The following MAPRE3 variants were observed in gnomAD, a reference collection of about 807,000 sequenced individuals.
The protein encoded by MAPRE3 is microtubule associated protein RP/EB family member 3, also known as microtubule-associated protein RP/EB family member 3.
A neutral mutation model predicts 30.5 loss-of-function variants in MAPRE3; 2 were observed. The ratio of observed to expected loss-of-function variants is 0.07; its 90% confidence interval spans 0.03 to 0.21. The LOEUF (loss-of-function observed/expected upper bound fraction) is 0.21. Ranked by LOEUF, MAPRE3 falls within the 10% of genes least tolerant of loss-of-function variation. The pLI, the probability that MAPRE3 is intolerant of heterozygous loss-of-function variation, is 1.00. For synonymous variants in MAPRE3, 110 were observed against 127.7 expected, an observed-to-expected ratio of 0.86 and a Z score of 0.93; for missense variants, 204 against 351.8, an observed-to-expected ratio of 0.58 and a Z score of 3.36.
chr2:26,990,172 G>C (rs530486011), intron 1 of MAPRE3, among the ~76,000 whole-genome samples: 1 of 152,094 alleles, frequency 6.6e-6, no homozygotes. Context: ...AGACTGTCTT[G>C]AAAACAAACA....
At chr2:26,984,508 TCAGA>T (rs1666179667) in intron 1 of MAPRE3, among the ~76,000 whole-genome samples, 1 of 152,238 alleles carries the variant, frequency 6.6e-6, no homozygotes, top group African/African-American at 2.4e-5. Flanking sequence ...ATTCTACCAC[TCAGA>T]CAGCAGTGGC....
In MAPRE3 at chr2:26,985,278, CTACCTG is replaced by C. The variant is rs1278669335; in HGVS notation, c.-8+14477_-8+14482del. On this transcript the variant is annotated intron_variant, in intron 1 of 6. Transcript: ENST00000233121. This position sits in a 1 kb window ranked among gnomAD's most constrained non-coding sequence, Gnocchi z 4.2. ...GCCTTTCCTCAAGTCAGGCAGAATC[CTACCTG>C]GGCCATCTTCCCAGCTCCTGAGATA... Among the ~76,000 whole-genome samples, 2 of 152,354 alleles carry C rather than the reference CTACCTG, an allele frequency of 1.3e-5. No individual in the cohort carries two copies. Among genetic ancestry groups the C allele is most frequent in the African/African-American group, 2.4e-5 (1 of 41,584 alleles).
chr2:27,009,748 T>C (rs1666807086), intron 1 of MAPRE3: 1 of 152,294 alleles, frequency 6.6e-6, no homozygotes, highest in Non-Finnish European at 1.5e-5. Context: ...TTCCTCCCCA[T>C]GCATTCCCCT....
chr2:27,026,794 T>A lies in MAPRE3; in HGVS notation c.*446T>A, dbSNP rs1413330529. On this transcript the variant is annotated 3_prime_UTR_variant, in exon 7 of 7. Coordinates refer to ENST00000233121, the MANE Select transcript of MAPRE3 (RefSeq NM_012326.4). The stretch of plus-strand genomic sequence containing the variant: ...GCAGTGTGCCTGGCTTGGCTTCCCT[T>A]CCCCATGGCTGGGGGCTGGGGTAGG... 6.3e-6 allele frequency: 1 copy of A among 158,470 alleles called. No homozygotes were observed. The highest frequency in any genetic ancestry group is 1.9e-4 in the East Asian group (1 of 5,336). 9.8% of individuals were successfully genotyped at this position (158,470 alleles called of 1,614,324 possible). A position where few individuals can be genotyped will look rare whatever the true frequency, so the allele number is the denominator to read the frequency against.
At chr2:27,025,373 G>A (rs1229675969) in intron 4 of MAPRE3, among the ~76,000 whole-genome samples, 3 of 152,168 alleles carry the variant, frequency 2.0e-5, no homozygotes, top group African/African-American at 4.8e-5. Context: ...CTGCTCTCCC[G>A]GGCTCGCCAA....
At chr2:26,995,444 C>A (rs1243822510) in intron 1 of MAPRE3, 1 of 152,152 alleles carries the variant, frequency 6.6e-6, no homozygotes, top group African/African-American at 2.4e-5. Flanking sequence ...GATCCTGGAA[C>A]AAATTATTCT....
chr2:26,998,887 A>T (rs1666524152), intron 1 of MAPRE3, among the ~76,000 whole-genome samples: 1 of 152,208 alleles, frequency 6.6e-6, no homozygotes. Flanking sequence ...TTAAGATACA[A>T]ATGCAGAACC....
chr2:26,995,574 T>C (rs1294301684), intron 1 of MAPRE3: 1 of 152,060 alleles, frequency 6.6e-6, no homozygotes, highest in Non-Finnish European at 1.5e-5. Flanking sequence ...TCAAAATAAA[T>C]GATAATAATG....
At chr2:26,998,740 G>A (rs1378272804) in intron 1 of MAPRE3, among the ~76,000 whole-genome samples, 2 of 152,196 alleles carry the variant, frequency 1.3e-5, no homozygotes, top group East Asian at 3.9e-4. Context: ...CAGCCCAGAG[G>A]AACAGGCTGG....
At chr2:27,013,659 A>G (rs963984571) in intron 1 of MAPRE3, among the ~76,000 whole-genome samples, 1 of 152,222 alleles carries the variant, frequency 6.6e-6, no homozygotes, top group African/African-American at 2.4e-5. Context: ...AATGGGCAAC[A>G]TAGCTTCAAA....
Position 27,007,324 on chromosome 2 carries a change from G to A in MAPRE3, c.-7-14888G>A, listed in dbSNP as rs551009549. ...AAGGAAGAAGTTTGGACTTGGTTAA[G>A]TTATCCTGTGATTATTTTAGAAAAG... On this transcript the variant is annotated intron_variant, in intron 1 of 6. Coordinates refer to ENST00000233121, the MANE Select transcript of MAPRE3 (RefSeq NM_012326.4). 2.6e-5 allele frequency among the ~76,000 whole-genome samples: 4 copies of A among 152,274 alleles called. No individual in the cohort carries two copies. In the South Asian group the frequency reaches 6.2e-4, roughly 24 times the overall value.
chr2:26,974,745 A>G (rs1243738459), intron 1 of MAPRE3, among the ~76,000 whole-genome samples: 2 of 152,206 alleles, frequency 1.3e-5, no homozygotes, highest in African/African-American at 4.8e-5. Context: ...CAGTTTCCTC[A>G]TTTATAACCC....
intron 1 of MAPRE3, among the ~76,000 whole-genome samples, chr2:27,016,167 A>C (rs1666978378): frequency 6.6e-6 from 1 of 152,144 alleles, no homozygotes; most frequent in African/African-American, 2.4e-5. Context: ...CTGGATGATG[A>C]CATGCCACAA....
At chr2:27,025,833 C>A in intron 5 of MAPRE3, 47 bp from the exon 6 acceptor site, 1 of 1,613,730 alleles carries the variant, frequency 6.2e-7, no homozygotes, top group South Asian at 1.1e-5. Context: ...GGCAGGGGAA[C>A]CTGAGGTGGG....
chr2:26,996,884 T>A (rs1659307526), intron 1 of MAPRE3: 1 of 152,118 alleles, frequency 6.6e-6, no homozygotes, highest in Middle Eastern at 3.4e-3. Flanking sequence ...GGAGGGAAAG[T>A]ATCTAGTGAA....
In MAPRE3 at chr2:27,025,696, G is replaced by A. The variant is rs151280427; in HGVS notation, c.583G>A (p.Gly195Ser). Residue 195 changes from glycine to serine, a missense_variant, in exon 5 of 7, where the codon GGC becomes AGC. Gly to Ser is a moderately conservative substitution (Grantham distance 56). Around this residue, in one of 5 missense-constraint regions of MAPRE3, gnomAD observed 42 missense variants for 81.2 expected, o/e 0.52. Transcript: ENST00000233121. The stretch of plus-strand genomic sequence containing the variant: ...GAATCCTCCATCAGCCCGAAATGGC[G>A]GCCATGAGACTGATGCCCAAATTCT... Reference protein sequence around the residue: ...RKNPPSARNGGHETDAQILEL... With the variant: ...RKNPPSARNGSHETDAQILEL... 2.0e-5 allele frequency: 33 copies of A among 1,614,034 alleles called. No homozygotes were observed. In the Middle Eastern group the frequency reaches 4.9e-4, roughly 24 times the overall value.
At chr2:27,004,746 A>AG (rs1666684570) in intron 1 of MAPRE3, among the ~76,000 whole-genome samples, 1 of 151,048 alleles carries the variant, frequency 6.6e-6, no homozygotes, top group African/African-American at 2.4e-5. Flanking sequence ...AAAAAAAAAA[A>AG]GTAAATGCCA....
chr2:27,017,730 T>C (rs1667020044), intron 1 of MAPRE3, among the ~76,000 whole-genome samples: 1 of 152,198 alleles, frequency 6.6e-6, no homozygotes. Flanking sequence ...CAGCTAAGTA[T>C]GCATATCAAA....
intron 1 of MAPRE3, among the ~76,000 whole-genome samples, chr2:27,006,051 G>A (rs1666719009): frequency 6.6e-6 from 1 of 152,016 alleles, no homozygotes; most frequent in Non-Finnish European, 1.5e-5. Flanking sequence ...GCACAGTGGC[G>A]GGCGCCTGTA....
Sources: allele counts gnomAD v4.1 joint callset (sites outside exome capture counted in the v4.1 genomes callset), GRCh38; gene constraint gnomAD v4.1.1; regional missense constraint gnomAD v4.1.1; non-coding constraint Gnocchi (gnomAD v3.1); transcripts MANE v1.5; gene names NCBI Gene and HGNC (gene_info 2026-07-23, HGNC 2026-07-21).